JMJD1C: variants seen among roughly 807,000 people sequenced by gnomAD.
JMJD1C encodes the protein jumonji domain containing 1C, also known as jumonji domain-containing protein 1C.
In JMJD1C, 31 loss-of-function variants were observed where a neutral mutation model predicts 245.3. The observed-to-expected ratio is 0.13, with a 90% confidence interval of 0.09 to 0.17. The LOEUF (loss-of-function observed/expected upper bound fraction) is 0.17. JMJD1C is among the 10% of genes least tolerant of loss of function. The pLI is 1.00. For synonymous variants in JMJD1C, 1,057 were observed against 1,017.4 expected, an observed-to-expected ratio of 1.04 and a Z score of -0.74; for missense variants, 2,691 against 3,000.2, an observed-to-expected ratio of 0.90 and a Z score of 2.41.
At chr10:63,228,508 G>A (rs1453931009) in intron 3 of JMJD1C, among the ~76,000 whole-genome samples, 1 of 152,034 alleles carries the variant, frequency 6.6e-6, no homozygotes, top group Admixed American at 6.6e-5. Context: ...GTGACAGAGG[G>A]AGATCCTGTC....
rs1166497841 is a variant in JMJD1C at position 63,214,917 on chromosome 10, T to A, written c.1250A>T (p.His417Leu). Residue 417 changes from histidine (H) to leucine (L), a missense_variant, in exon 8 of 26, where the codon CAT becomes CTT. Around this residue, in one of 9 missense-constraint regions of JMJD1C, gnomAD observed 1,562 missense variants for 1,490.7 expected, o/e 1.05. Coordinates refer to ENST00000399262, the MANE Select transcript of JMJD1C (RefSeq NM_032776.3). ...CTCTTCTCCTGCCTTCTCATTATTA[T>A]GGGGTTTTCCTTCTTCTCCATTTAT... The part of the protein sequence containing the change: ...SKINGEEGKP[H>L]NNEKAGEETL... The A allele has an allele frequency of 6.2e-7, 1 of 1,611,164 alleles. No individual in the cohort carries two copies. The highest frequency in any genetic ancestry group is 8.5e-7 in the Non-Finnish European group (1 of 1,178,374).
chr10:63,404,125 AG>A (rs1336161358), intron 1 of JMJD1C, among the ~76,000 whole-genome samples: 107 of 152,278 alleles, frequency 7.0e-4, no homozygotes, highest in African/African-American at 2.4e-3. Flanking sequence ...AAAAAAAAAA[AG>A]TGAATGATGT....
At chr10:63,319,687 C>A (rs1182047568) in intron 2 of JMJD1C, among the ~76,000 whole-genome samples, 2 of 152,198 alleles carry the variant, frequency 1.3e-5, no homozygotes, top group South Asian at 4.1e-4. Context: ...CTTTTATCCC[C>A]GTGAAATATT....
intron 3 of JMJD1C, among the ~76,000 whole-genome samples, chr10:63,260,834 G>A (rs985672868): frequency 2.6e-5 from 4 of 151,810 alleles, no homozygotes; most frequent in Non-Finnish European, 4.4e-5. Flanking sequence ...CTCATGATCC[G>A]CCCGCTTCGG....
chr10:63,236,307 G>A (rs7917142), intron 3 of JMJD1C, among the ~76,000 whole-genome samples: 2 of 152,052 alleles, frequency 1.3e-5, no homozygotes, highest in Non-Finnish European at 2.9e-5. Context: ...ACTACAATTT[G>A]CTAAGTGTCA....
intron 1 of JMJD1C, among the ~76,000 whole-genome samples, chr10:63,402,095 T>A (rs543150289): frequency 6.7e-6 from 1 of 149,830 alleles, no homozygotes; most frequent in Admixed American, 6.8e-5. Flanking sequence ...GATAGCGCCA[T>A]TGCACTCCAG....
intron 2 of JMJD1C, among the ~76,000 whole-genome samples, chr10:63,308,650 G>C (rs562728050): frequency 9.5e-4 from 139 of 145,816 alleles, no homozygotes; most frequent in African/African-American, 3.3e-3. Flanking sequence ...GGAAACTTAA[G>C]GAAACCTCCC....
At chr10:63,286,376 T>A (rs1307087632) in intron 2 of JMJD1C, among the ~76,000 whole-genome samples, 1 of 152,226 alleles carries the variant, frequency 6.6e-6, no homozygotes, top group Non-Finnish European at 1.5e-5. Flanking sequence ...TGAGGTTCAA[T>A]CACCTTTAGG....
rs144916489 is a variant in JMJD1C at position 63,353,101 on chromosome 10, T to A, written c.333+27217A>T. Among the ~76,000 whole-genome samples the A allele has an allele frequency of 1.4e-4, 21 of 152,344 alleles. No individual in the cohort carries two copies. In the East Asian group the frequency reaches 4.1e-3, roughly 29 times the overall value. ...TGTGATAAATGAAGTTAGGAAAATT[T>A]ATTAAGTACTTTCCTCAATCAAGAC... On this transcript the variant is annotated intron_variant, in intron 2 of 25. Coordinates refer to ENST00000399262, the MANE Select transcript of JMJD1C (RefSeq NM_032776.3).
At chr10:63,313,571 T>C (rs552954891) in intron 2 of JMJD1C, among the ~76,000 whole-genome samples, 3 of 152,238 alleles carry the variant, frequency 2.0e-5, no homozygotes, top group Admixed American at 2.0e-4. Context: ...GGTGTAAGAA[T>C]GTTCCCTTTC....
chr10:63,409,667 C>T (rs1208667013), intron 1 of JMJD1C, among the ~76,000 whole-genome samples: 1 of 152,124 alleles, frequency 6.6e-6, no homozygotes, highest in Non-Finnish European at 1.5e-5. Flanking sequence ...CAGTGTGGCA[C>T]AGAACAGACC....
At chr10:63,204,445 C>T in intron 10 of JMJD1C, 1 of 985,284 alleles carries the variant, frequency 1.0e-6, no homozygotes, top group African/African-American at 1.7e-5. Flanking sequence ...ATAAATTTAA[C>T]TTCACAAGAG....
chr10:63,216,078 A>C (rs993641076), intron 5 of JMJD1C, among the ~76,000 whole-genome samples: 3 of 152,218 alleles, frequency 2.0e-5, no homozygotes, highest in Non-Finnish European at 4.4e-5. Context: ...GAAAAAGACA[A>C]AAATTGTGCA....
intron 8 of JMJD1C, among the ~76,000 whole-genome samples, chr10:63,209,960 A>C (rs1847128313): frequency 6.6e-6 from 1 of 152,192 alleles, no homozygotes; most frequent in Non-Finnish European, 1.5e-5. Context: ...ATGTTTTATG[A>C]ATTTGTTAAT....
intron 16 of JMJD1C, among the ~76,000 whole-genome samples, chr10:63,192,345 G>A (rs1844936910): frequency 6.6e-6 from 1 of 151,540 alleles, no homozygotes; most frequent in Non-Finnish European, 1.5e-5. Context: ...CTAGGCAGAT[G>A]GATTACCCGA....
intron 10 of JMJD1C, among the ~76,000 whole-genome samples, chr10:63,206,350 G>A (rs1419722572): frequency 6.6e-6 from 1 of 152,152 alleles, no homozygotes; most frequent in Non-Finnish European, 1.5e-5. Flanking sequence ...TACAATGACT[G>A]TCAGGTAAGA....
chr10:63,269,973 T>C (rs551867670), intron 2 of JMJD1C, among the ~76,000 whole-genome samples: 9 of 152,178 alleles, frequency 5.9e-5, no homozygotes, highest in Admixed American at 3.3e-4. Context: ...AAAATACACA[T>C]TGAATATAAA....
chr10:63,457,764 A>C (rs1189023801), intron 1 of JMJD1C, among the ~76,000 whole-genome samples: 1 of 152,230 alleles, frequency 6.6e-6, no homozygotes, highest in Non-Finnish European at 1.5e-5. Flanking sequence ...GCAATATGGC[A>C]GAGTACAGAG....
chr10:63,517,366 AT>A (rs1955052783), intron 1 of JMJD1C, among the ~76,000 whole-genome samples: 1 of 152,294 alleles, frequency 6.6e-6, no homozygotes, highest in South Asian at 2.1e-4. Flanking sequence ...TAACAGTCTA[AT>A]TACCCTTAGA....
Sources: gnomAD v4.1 joint callset for allele counts (sites outside exome capture counted in the v4.1 genomes callset) on GRCh38, gnomAD v4.1.1 for gene constraint, gnomAD v4.1.1 regional missense constraint, MANE v1.5 for transcripts, NCBI Gene and HGNC (gene_info 2026-07-23, HGNC 2026-07-21) for gene names.